Variants in ZNF112 observed in about 807,000 individuals in gnomAD.
The protein encoded by ZNF112 is zinc finger protein 112.
Under a neutral mutation model 77.7 loss-of-function variants are expected in ZNF112, and 37 were observed. The ratio of observed to expected loss-of-function variants is 0.48; its 90% CI spans 0.37 to 0.63. ZNF112 has a LOEUF of 0.63. ZNF112 is among the 20% of genes least tolerant of loss of function. The pLI, the probability that ZNF112 is intolerant of heterozygous loss-of-function variation, is 0.00. For missense variants in ZNF112, 950 were observed against 1,077.4 expected, an observed-to-expected ratio of 0.88 and a Z score of 1.66; for synonymous variants, 333 against 363.6, an observed-to-expected ratio of 0.92 and a Z score of 0.96.
chr19:44,334,520 G>C (rs1356562010), intron 3 of ZNF112, among the ~76,000 whole-genome samples: 3 of 152,218 alleles, frequency 2.0e-5, no homozygotes, highest in African/African-American at 7.2e-5. Context: ...TGCCTCCAGG[G>C]CATTTCAGAG....
At chr19:44,342,208 TA>T (rs1970502647) in intron 1 of ZNF112, among the ~76,000 whole-genome samples, 1 of 152,212 alleles carries the variant, frequency 6.6e-6, no homozygotes, top group African/African-American at 2.4e-5. Context: ...GATAAACACA[TA>T]GCTATAGGTA....
chr19:44,336,726 G>T lies in ZNF112; in HGVS notation c.125-8C>A. ...GCTTGAAGGGCTGATGTGCTGTAAA[G>T]AAGGAAAGGACAGCAAAAGTTTTTA... On this transcript the variant is annotated splice_polypyrimidine_tract_variant and splice_region_variant and intron_variant, in intron 2 of 3. Transcript: ENST00000354340. 1.9e-6 allele frequency: 3 copies of T among 1,613,140 alleles called. No individual in the cohort carries two copies. The highest frequency in any genetic ancestry group is 2.5e-6 in the Non-Finnish European group (3 of 1,179,216).
chr19:44,352,201 T>C (rs922726646), intron 1 of ZNF112, among the ~76,000 whole-genome samples: 5 of 151,948 alleles, frequency 3.3e-5, no homozygotes, highest in African/African-American at 9.7e-5. Flanking sequence ...AACTCAGAAA[T>C]GTACACCAAA....
intron 3 of ZNF112, among the ~76,000 whole-genome samples, chr19:44,332,411 C>T (rs1377105963): frequency 6.6e-6 from 1 of 152,084 alleles, no homozygotes; most frequent in Non-Finnish European, 1.5e-5. Context: ...ATGTCTTTGC[C>T]TTCTCAAAAG....
At chr19:44,347,674 C>A (rs1232394290) in intron 1 of ZNF112, among the ~76,000 whole-genome samples, 1 of 151,440 alleles carries the variant, frequency 6.6e-6, no homozygotes, top group Non-Finnish European at 1.5e-5. Flanking sequence ...CAAATAGTTT[C>A]CTTTATCTCC....
intron 1 of ZNF112, among the ~76,000 whole-genome samples, chr19:44,342,674 G>A (rs187145031): frequency 1.1e-4 from 16 of 152,086 alleles, no homozygotes; most frequent in Admixed American, 1.3e-4. Flanking sequence ...AAAATAGCTC[G>A]GTGTGGTGGC....
At chr19:44,341,559 A>T (rs927078378) in intron 1 of ZNF112, among the ~76,000 whole-genome samples, 4 of 152,284 alleles carry the variant, frequency 2.6e-5, no homozygotes, top group Admixed American at 2.6e-4. Context: ...AAAGCTTTTT[A>T]AAAAAATCTT....
At chr19:44,365,605 C>T (rs1252427192) in intron 1 of ZNF112, among the ~76,000 whole-genome samples, 2 of 151,912 alleles carry the variant, frequency 1.3e-5, no homozygotes, top group Non-Finnish European at 2.9e-5. Flanking sequence ...AAGTAATATT[C>T]CATGTCATGT....
intron 3 of ZNF112, among the ~76,000 whole-genome samples, chr19:44,333,679 T>C (rs535326029): frequency 1.7e-3 from 257 of 152,324 alleles, no homozygotes; most frequent in Non-Finnish European, 3.1e-3. Context: ...ACATGCCTCC[T>C]TCCCCTTCAC....
chr19:44,341,495 T>C (rs1970489184), intron 1 of ZNF112, among the ~76,000 whole-genome samples: 1 of 152,190 alleles, frequency 6.6e-6, no homozygotes, highest in Non-Finnish European at 1.5e-5. Context: ...GACTTTCGCC[T>C]TCCATCTTAG....
At chr19:44,335,287 C>T (rs1970345661) in intron 3 of ZNF112, among the ~76,000 whole-genome samples, 1 of 152,236 alleles carries the variant, frequency 6.6e-6, no homozygotes, top group South Asian at 2.1e-4. Context: ...TACCCAAAGG[C>T]TGTAGCCCCA....
intron 1 of ZNF112, among the ~76,000 whole-genome samples, chr19:44,353,138 T>G (rs947725081): frequency 6.6e-6 from 1 of 152,066 alleles, no homozygotes; most frequent in Admixed American, 6.5e-5. Context: ...GATACACACA[T>G]AGATCAATTT....
At chr19:44,343,140 A>G in intron 1 of ZNF112, 1 of 1,153,720 alleles carries the variant, frequency 8.7e-7, no homozygotes, top group Non-Finnish European at 1.2e-6. Context: ...TACATAAATG[A>G]TACTAAATGC....
chr19:44,352,329 A>G (rs561222661), intron 1 of ZNF112, among the ~76,000 whole-genome samples: 2 of 152,286 alleles, frequency 1.3e-5, no homozygotes, highest in South Asian at 4.1e-4. Flanking sequence ...CAGCTCCAGT[A>G]AAAGTGAAGC....
Position 44,329,047 on chromosome 19 carries a change from A to G in ZNF112, c.1110T>C (p.Ser370=). The part of the protein sequence containing the change: ...KAFSHSLDLN[S]IFRVHTRDEP... ...CATCCCTAGTATGGACCCTAAAAAT[A>G]CTATTAAGGTCTAAGCTATGACTGA... The change falls in exon 4 of 4, where the codon AGT becomes AGC. Residue 370 remains serine (S), a synonymous_variant. Coordinates refer to ENST00000354340, the MANE Select transcript of ZNF112 (RefSeq NM_013380.4). 6.2e-7 allele frequency: 1 copy of G among 1,613,906 alleles called. No individual in the cohort carries two copies. Among genetic ancestry groups the G allele is most frequent in the Non-Finnish European group, 8.5e-7 (1 of 1,179,972 alleles).
intron 2 of ZNF112, among the ~76,000 whole-genome samples, chr19:44,337,840 TACACACACACACAC>T (rs71171235): frequency 2.1e-5 from 1 of 47,420 alleles, no homozygotes; most frequent in South Asian, 7.9e-4. Flanking sequence ...TACATACACA[TACACACACACACAC>T]ACACACACAC....
chr19:44,327,596 G>A lies in ZNF112; in HGVS notation c.2561C>T (p.Pro854Leu). Residue 854 changes from proline to leucine, a missense_variant, in exon 4 of 4, where the codon CCA becomes CTA. By Grantham distance (98) the Pro-to-Leu change is moderately conservative. Around this residue, in one of 3 missense-constraint regions of ZNF112, gnomAD observed 373 missense variants for 482.8 expected, o/e 0.77. Transcript: ENST00000354340. ...CTTACCACATGCATCACATTTGTAT[G>A]GTTTCTCTCCTGTGTGGACTCTCTG... ...AHQRVHTGEK[P>L]YKCDACGKGF... The A allele has an allele frequency of 6.2e-7, 1 of 1,614,056 alleles. No homozygotes were observed. The highest frequency in any genetic ancestry group is 8.5e-7 in the Non-Finnish European group (1 of 1,179,946).
intron 3 of ZNF112, among the ~76,000 whole-genome samples, chr19:44,335,815 C>G (rs1384385161): frequency 1.3e-5 from 2 of 152,202 alleles, no homozygotes; most frequent in Non-Finnish European, 2.9e-5. Flanking sequence ...TTTCTGTTGA[C>G]TCTTTCTTCT....
chr19:44,328,839 C>G lies in ZNF112; in HGVS notation c.1318G>C (p.Glu440Gln), dbSNP rs2722723. The change falls in exon 4 of 4, where the codon GAG (glutamate) becomes CAG (glutamine). Residue 440 changes from glutamate to glutamine, a missense_variant. Around this residue, in one of 3 missense-constraint regions of ZNF112, gnomAD observed 560 missense variants for 557.3 expected, o/e 1.00. Coordinates refer to ENST00000354340, the MANE Select transcript of ZNF112 (RefSeq NM_013380.4). ...AGACTGAAGCCATTACCACACTCCT[C>G]AGAATTATATGAATTCTCTTCCATA... ...VHMEENSYNS[E>Q]ECGNGFSLAS... is the part of the protein sequence containing the mutation. 0.64 allele frequency: 1,033,447 copies of G among 1,613,638 alleles called. 332,738 individuals carry two copies. The highest frequency in any genetic ancestry group is 0.76 in the Admixed American group (45,540 of 59,972).
Sources: allele counts gnomAD v4.1 joint callset (sites outside exome capture counted in the v4.1 genomes callset), GRCh38; gene constraint gnomAD v4.1.1; regional missense constraint gnomAD v4.1.1; transcripts MANE v1.5; gene names NCBI Gene and HGNC (gene_info 2026-07-23, HGNC 2026-07-21).